The following PSD2 variants were observed in gnomAD, a reference collection of about 807,000 sequenced individuals.
The protein encoded by PSD2 is PH and SEC7 domain-containing protein 2.
PSD2 carries 38 observed loss-of-function variants against 69.8 expected under a neutral mutation model. The observed-to-expected ratio is 0.54, with a 90% confidence interval of 0.42 to 0.71. PSD2 has a LOEUF of 0.71. PSD2 is among the 30% of genes least tolerant of loss of function. The probability of loss-of-function intolerance (pLI) is 0.00; values close to 1 mark genes in which losing one functional copy is unlikely to be tolerated. For synonymous variants in PSD2, 412 were observed against 423.0 expected (o/e 0.97, Z 0.32); for missense variants, 943 against 1,014.5 (o/e 0.93, Z 0.96).
At chr5:139,761,699 G>A in the PSD2 span, among the ~76,000 whole-genome samples, 6 of 152,158 alleles carry the variant, frequency 3.9e-5, no homozygotes, top group South Asian at 6.2e-4. Context: ...ATGTGTGTGC[G>A]ACAGGCAGTG....
At chr5:139,786,089 A>G in the PSD2 span, among the ~76,000 whole-genome samples, 91 of 152,136 alleles carry the variant, frequency 6.0e-4, no homozygotes, top group Middle Eastern at 6.9e-3. Flanking sequence ...ACCCTGTCTC[A>G]AAATAAATAA....
At chr5:139,754,805 A>G in the PSD2 span, among the ~76,000 whole-genome samples, 1 of 152,154 alleles carries the variant, frequency 6.6e-6, no homozygotes, top group Non-Finnish European at 1.5e-5. Flanking sequence ...TGAACCTGGG[A>G]AGTTGAAGCT....
upstream of PSD2, among the ~76,000 whole-genome samples, chr5:139,792,552 C>A (rs1252299618): frequency 6.6e-6 from 1 of 151,964 alleles, no homozygotes; most frequent in Non-Finnish European, 1.5e-5. Context: ...TCTTATGAGA[C>A]CCCCTCAGGT....
chr5:139,789,811 A>G, the PSD2 span, among the ~76,000 whole-genome samples: 5 of 152,208 alleles, frequency 3.3e-5, no homozygotes, highest in East Asian at 9.7e-4. Context: ...AGCATATGGT[A>G]TATACATATG....
chr5:139,814,784 A>C lies in PSD2; in HGVS notation c.1016+420A>C, dbSNP rs1174928799. On this transcript the variant is annotated intron_variant, in intron 4 of 14. Transcript: ENST00000274710. This position sits in a 1 kb window ranked among gnomAD's most constrained non-coding sequence, Gnocchi z 4.4. ...GGGCTCCTGGCCTTCATTAAGCCCT[A>C]CTATCTATTGGGACAAGCTGAAGGG... is the stretch of plus-strand genomic sequence containing the variant. Among the ~76,000 whole-genome samples the C allele has an allele frequency of 6.6e-6, 1 of 151,980 alleles. No individual in the cohort carries two copies. Among genetic ancestry groups the C allele is most frequent in the Admixed American group, 6.5e-5 (1 of 15,282 alleles).
the PSD2 span, among the ~76,000 whole-genome samples, chr5:139,763,310 TC>T: frequency 6.6e-6 from 1 of 152,152 alleles, no homozygotes; most frequent in African/African-American, 2.4e-5. Context: ...CAGTTGTTCT[TC>T]ACGTCACTCT....
intron 9 of PSD2, among the ~76,000 whole-genome samples, chr5:139,836,211 G>A (rs1378475796): frequency 2.0e-5 from 3 of 152,258 alleles, no homozygotes; most frequent in Non-Finnish European, 4.4e-5. Flanking sequence ...CAAAGGCAGT[G>A]AGACCTGTAG....
At chr5:139,783,718 A>G in the PSD2 span, among the ~76,000 whole-genome samples, 1 of 152,010 alleles carries the variant, frequency 6.6e-6, no homozygotes, top group Non-Finnish European at 1.5e-5. Context: ...GCTCTTGTCA[A>G]GGTCCCCAGT....
At chr5:139,765,760 C>T in the PSD2 span, among the ~76,000 whole-genome samples, 1 of 152,160 alleles carries the variant, frequency 6.6e-6, no homozygotes, top group African/African-American at 2.4e-5. Flanking sequence ...CGGCTGCGTT[C>T]CGGGGGGGTT....
chr5:139,831,309 G>A (rs1760594311), intron 7 of PSD2, among the ~76,000 whole-genome samples: 1 of 151,894 alleles, frequency 6.6e-6, no homozygotes, highest in Admixed American at 6.6e-5. Context: ...AAAGATTTCT[G>A]TTCTTTTATA....
At chr5:139,812,284 G>A (rs1212267762) in intron 2 of PSD2, among the ~76,000 whole-genome samples, 7 of 152,004 alleles carry the variant, frequency 4.6e-5, no homozygotes, top group South Asian at 4.1e-4. Context: ...GGTTTAGATC[G>A]GGAGGTCGGG....
intron 4 of PSD2, among the ~76,000 whole-genome samples, chr5:139,816,744 G>A (rs1486778916): frequency 6.6e-6 from 1 of 152,210 alleles, no homozygotes; most frequent in African/African-American, 2.4e-5. Flanking sequence ...GCTCGCTCCT[G>A]GGTTCCCACC....
the PSD2 span, among the ~76,000 whole-genome samples, chr5:139,766,415 C>G: frequency 6.6e-6 from 1 of 152,208 alleles, no homozygotes. Flanking sequence ...GGGCCTGTTT[C>G]TCAGTCTTCA....
intron 5 of PSD2, among the ~76,000 whole-genome samples, chr5:139,819,975 A>G (rs1333827233): frequency 6.6e-6 from 1 of 152,188 alleles, no homozygotes; most frequent in African/African-American, 2.4e-5. Context: ...ACTGGCCCCA[A>G]TGTACTGGTG....
the PSD2 span, among the ~76,000 whole-genome samples, chr5:139,761,323 T>A: frequency 6.6e-6 from 1 of 152,248 alleles, no homozygotes; most frequent in African/African-American, 2.4e-5. Context: ...GGATTTGAAC[T>A]CAGCCTTCTC....
intron 2 of PSD2, among the ~76,000 whole-genome samples, chr5:139,811,938 T>C (rs984721908): frequency 1.3e-5 from 2 of 152,166 alleles, no homozygotes; most frequent in Non-Finnish European, 2.9e-5. Context: ...TCTGTTGTCC[T>C]CTCGTATCCC....
chr5:139,821,701 C>T (rs1760263740), intron 5 of PSD2, among the ~76,000 whole-genome samples, 192 bp from the exon 6 acceptor site: 1 of 152,184 alleles, frequency 6.6e-6, no homozygotes, highest in Non-Finnish European at 1.5e-5. Flanking sequence ...TACCAGGTCC[C>T]CTGGCCTCAG....
chr5:139,812,295 G>A (rs992246064), intron 2 of PSD2, among the ~76,000 whole-genome samples: 1 of 152,106 alleles, frequency 6.6e-6, no homozygotes, highest in African/African-American at 2.4e-5. Flanking sequence ...GGAGGTCGGG[G>A]CAGTCCTCAC....
chr5:139,801,264 A>AGAC (rs965443162), intron 1 of PSD2, among the ~76,000 whole-genome samples: 4 of 151,400 alleles, frequency 2.6e-5, no homozygotes, highest in Non-Finnish European at 5.9e-5. Flanking sequence ...AGGGTTGTCT[A>AGAC]GACTCATTGT....
Sources: allele counts gnomAD v4.1 joint callset (sites outside exome capture counted in the v4.1 genomes callset), GRCh38; gene constraint gnomAD v4.1.1; non-coding constraint Gnocchi (gnomAD v3.1); transcripts MANE v1.5; gene names NCBI Gene and HGNC (gene_info 2026-07-23, HGNC 2026-07-21).